TUSC3: variants seen among roughly 807,000 people sequenced by gnomAD.
TUSC3 encodes dolichyl-diphosphooligosaccharide--protein glycosyltransferase subunit TUSC3.
A neutral mutation model predicts 44.8 loss-of-function variants in TUSC3; 45 were observed. The ratio of observed to expected loss-of-function variants is 1.00; its 90% CI spans 0.79 to 1.29. The LOEUF is 1.29. TUSC3 is among the 50% of genes most tolerant of loss of function. TUSC3 has a pLI of 0.00. For missense variants in TUSC3, 519 were observed against 437.9 expected (o/e 1.19, Z -1.65); for synonymous variants, 212 against 152.9 (o/e 1.39, Z -2.85).
intron 1 of TUSC3, among the ~76,000 whole-genome samples, chr8:15,573,332 A>G (rs896383088): frequency 1.5e-4 from 22 of 150,418 alleles, no homozygotes; most frequent in Non-Finnish European, 3.1e-4. Context: ...ATCCACATCC[A>G]GGGTAATTAC....
In TUSC3 at chr8:15,428,211, C is replaced by A. The variant is rs181973718; in HGVS notation, n.91+10906C>A. Among the ~76,000 whole-genome samples, 1,063 of 145,246 alleles carry A rather than the reference C, an allele frequency of 7.3e-3. 18 individuals carry two copies. The highest frequency in any genetic ancestry group is 0.026 in the African/African-American group (1,014 of 39,348). On this transcript the variant is annotated intron_variant and non_coding_transcript_variant, in intron 1 of 5. Coordinates refer to the TUSC3 transcript ENST00000503191. ...TTCAATTCCCACCTATGAGTGAGAA[C>A]ATGTGGTGTTTGGTTTTTTGTCCTC...
At chr8:15,529,621 A>G (rs562990339) in intron 2 of TUSC3, among the ~76,000 whole-genome samples, 10 of 152,168 alleles carry the variant, frequency 6.6e-5, no homozygotes, top group Non-Finnish European at 1.2e-4. Context: ...TAGATGTACT[A>G]TCTAACGTAT....
chr8:15,429,568 C>G (rs1261693228), intron 1 of TUSC3, among the ~76,000 whole-genome samples: 2 of 121,620 alleles, frequency 1.6e-5, no homozygotes, highest in South Asian at 5.4e-4. Flanking sequence ...TGCAGTATGG[C>G]CATTTTTTTT....
intron 2 of TUSC3, among the ~76,000 whole-genome samples, chr8:15,520,761 C>A (rs137858194): frequency 6.6e-6 from 1 of 152,178 alleles, no homozygotes; most frequent in African/African-American, 2.4e-5. Context: ...AAATTTCCTA[C>A]AAACACCATA....
intron 1 of TUSC3, among the ~76,000 whole-genome samples, chr8:15,431,354 A>C (rs73189471): frequency 0.14 from 21,136 of 151,470 alleles, 1,760 homozygotes; most frequent in Middle Eastern, 0.22. Context: ...TCTTCAATTT[A>C]TTTGATCATT....
chr8:15,780,783 C>T, the TUSC3 span, among the ~76,000 whole-genome samples: 2 of 152,088 alleles, frequency 1.3e-5, no homozygotes, highest in African/African-American at 4.8e-5. Context: ...TTACAGCTAC[C>T]ACCTGAGGGG....
intron 2 of TUSC3, among the ~76,000 whole-genome samples, chr8:15,533,915 A>C (rs1002753414): frequency 6.6e-6 from 1 of 152,004 alleles, no homozygotes; most frequent in Non-Finnish European, 1.5e-5. Flanking sequence ...CATGGTTGGA[A>C]AGTTTCTGGT....
intron 1 of TUSC3, among the ~76,000 whole-genome samples, chr8:15,565,126 G>A (rs750706114): frequency 1.5e-4 from 22 of 151,214 alleles, no homozygotes; most frequent in Non-Finnish European, 3.1e-4. Flanking sequence ...AAGTCAAGGT[G>A]TCTGCAGGTT....
chr8:15,755,431 C>T (rs773157334), intron 9 of TUSC3, among the ~76,000 whole-genome samples: 7 of 151,864 alleles, frequency 4.6e-5, no homozygotes, highest in Admixed American at 1.3e-4. Context: ...TTTTTCTTTA[C>T]GCTAAAGATT....
At chr8:15,750,944 A>T (rs1811672339) in intron 9 of TUSC3, among the ~76,000 whole-genome samples, 6 of 152,206 alleles carry the variant, frequency 3.9e-5, no homozygotes, top group Admixed American at 3.9e-4. Context: ...CCTAAGGAGG[A>T]GCTGCCAAGA....
At chr8:15,550,182 G>A (rs1173837068) in intron 1 of TUSC3, among the ~76,000 whole-genome samples, 1 of 151,704 alleles carries the variant, frequency 6.6e-6, no homozygotes, top group Non-Finnish European at 1.5e-5. Context: ...CAGGCCCAGG[G>A]TGTGGCACCG....
chr8:15,480,873 T>C (rs1299962149), intron 1 of TUSC3, among the ~76,000 whole-genome samples: 1 of 152,208 alleles, frequency 6.6e-6, no homozygotes, highest in Admixed American at 6.6e-5. Flanking sequence ...TTTGAGGTGA[T>C]ACAATTCAGT....
intron 5 of TUSC3, among the ~76,000 whole-genome samples, chr8:15,664,671 TC>T (rs1287223014): frequency 1.1e-4 from 17 of 149,636 alleles, no homozygotes; most frequent in African/African-American, 4.1e-4. Flanking sequence ...AATGTTAAAT[TC>T]AACAACGTTT....
the TUSC3 span, among the ~76,000 whole-genome samples, chr8:15,794,972 C>T: frequency 6.6e-6 from 1 of 152,294 alleles, no homozygotes; most frequent in Admixed American, 6.5e-5. Flanking sequence ...CCCCTTGCTT[C>T]TCTACCATCC....
At chr8:15,468,325 AAG>A (rs1418175956) in intron 1 of TUSC3, among the ~76,000 whole-genome samples, 2 of 152,212 alleles carry the variant, frequency 1.3e-5, no homozygotes, top group East Asian at 1.9e-4. Flanking sequence ...ACGGCTAGTC[AAG>A]AGTGTTCATT....
chr8:15,769,610 G>A (rs538116569), downstream of TUSC3, among the ~76,000 whole-genome samples: 68 of 152,130 alleles, frequency 4.5e-4, no homozygotes, highest in East Asian at 3.7e-3. Flanking sequence ...GCTTCTGCAC[G>A]GCAAAAGAAA....
chr8:15,849,393 A>G, the TUSC3 span, among the ~76,000 whole-genome samples: 2 of 152,222 alleles, frequency 1.3e-5, no homozygotes, highest in Non-Finnish European at 2.9e-5. Flanking sequence ...CATTTTCTGA[A>G]AGACATATGC....
At position 15,662,337 on chromosome 8, in the gene TUSC3, G is replaced by A. The variant is rs779069885; in HGVS notation, c.708+41G>A. 2.5e-6 allele frequency: 4 copies of A among 1,608,912 alleles called. No individual in the cohort carries two copies. In the South Asian group the frequency reaches 4.4e-5, roughly 18 times the overall value. On this transcript the variant is annotated intron_variant, in intron 5 of 10. Coordinates refer to ENST00000503731, the MANE Select transcript of TUSC3 (RefSeq NM_006765.4). Reference sequence around the variant, plus strand: ...GTGCTTTTTTTATTTCCTGTTCTTTGTGTAATAATATAAGTTGTATAATAT... The same window carrying A: ...GTGCTTTTTTTATTTCCTGTTCTTTATGTAATAATATAAGTTGTATAATAT...
At chr8:15,643,437 A>G (rs1184879892) in intron 2 of TUSC3, among the ~76,000 whole-genome samples, 1 of 152,030 alleles carries the variant, frequency 6.6e-6, no homozygotes, top group Non-Finnish European at 1.5e-5. Context: ...GAGAACCAAA[A>G]TTTCTTTGAC....
Sources: gnomAD v4.1 joint callset for allele counts (sites outside exome capture counted in the v4.1 genomes callset) on GRCh38, gnomAD v4.1.1 for gene constraint, MANE v1.5 for transcripts, NCBI Gene and HGNC (gene_info 2026-07-23, HGNC 2026-07-21) for gene names.